The following SYT9 variants were observed in gnomAD, a reference collection of about 807,000 sequenced individuals.
The protein encoded by SYT9 is synaptotagmin 9, also known as synaptotagmin-9.
Under a neutral mutation model 48.4 loss-of-function variants are expected in SYT9, and 22 were observed. The observed-to-expected ratio is 0.45, with a 90% CI of 0.32 to 0.65. The LOEUF (loss-of-function observed/expected upper bound fraction) is 0.65. Among genes scored for constraint, SYT9 ranks in the 30% least tolerant of loss-of-function variants. The pLI is 0.03. For synonymous variants in SYT9, 265 were observed against 245.0 expected (o/e 1.08, Z -0.76); for missense variants, 577 against 622.0 (o/e 0.93, Z 0.77).
upstream of SYT9, among the ~76,000 whole-genome samples, chr11:7,249,192 A>G (rs563833200): frequency 6.6e-6 from 1 of 152,364 alleles, no homozygotes; most frequent in South Asian, 2.1e-4. Flanking sequence ...TTCACTCTAT[A>G]GCAGTATCTC....
At chr11:7,394,413 G>A (rs927620186) in intron 3 of SYT9, among the ~76,000 whole-genome samples, 2 of 152,006 alleles carry the variant, frequency 1.3e-5, no homozygotes, top group South Asian at 2.1e-4. Context: ...ATAGTGCCGT[G>A]ATAAACATAC....
intron 4 of SYT9, 117 bp from the exon 5 acceptor site, chr11:7,417,840 C>A: frequency 9.8e-7 from 1 of 1,018,794 alleles, no homozygotes; most frequent in Non-Finnish European, 1.4e-6. Context: ...AACTCCAGTC[C>A]ACAGGCAGGT....
chr11:7,283,467 AT>A (rs958007701), intron 1 of SYT9, among the ~76,000 whole-genome samples: 9 of 152,200 alleles, frequency 5.9e-5, no homozygotes, highest in Middle Eastern at 3.4e-3. Context: ...CATTATGGGT[AT>A]TTTTTTATGT....
intron 6 of SYT9, among the ~76,000 whole-genome samples, chr11:7,433,766 A>C (rs955455121): frequency 2.0e-5 from 3 of 152,206 alleles, no homozygotes; most frequent in Non-Finnish European, 4.4e-5. Flanking sequence ...CCAGACACCA[A>C]ATCAGCTAGC....
intron 1 of SYT9, among the ~76,000 whole-genome samples, chr11:7,302,775 A>G (rs914106799): frequency 5.9e-5 from 9 of 152,216 alleles, no homozygotes; most frequent in Non-Finnish European, 1.0e-4. Context: ...TTTTCTTGCC[A>G]TAGCAGGCTG....
chr11:7,247,669 T>TC (rs1442232540), upstream of SYT9, among the ~76,000 whole-genome samples: 1 of 132,888 alleles, frequency 7.5e-6, no homozygotes, highest in Non-Finnish European at 1.6e-5. Context: ...TATGTATATA[T>TC]ACGTATATAT....
intron 3 of SYT9, chr11:7,314,435 G>T: frequency 4.7e-6 from 1 of 212,536 alleles, no homozygotes; most frequent in Non-Finnish European, 9.9e-6. Flanking sequence ...GAGAAGAGTT[G>T]GCAACACATT....
chr11:7,439,079 C>G (rs1177766459), intron 6 of SYT9: 1 of 152,180 alleles, frequency 6.6e-6, no homozygotes, highest in Non-Finnish European at 1.5e-5. Flanking sequence ...CAGACAAACC[C>G]AAGACATTCA....
intron 6 of SYT9, among the ~76,000 whole-genome samples, chr11:7,447,827 G>A (rs1847964085): frequency 6.6e-6 from 1 of 152,230 alleles, no homozygotes; most frequent in Non-Finnish European, 1.5e-5. Context: ...TGAGGCCATT[G>A]TGTAGGCCCC....
intron 6 of SYT9, among the ~76,000 whole-genome samples, chr11:7,448,481 C>T (rs940539388): frequency 2.0e-4 from 30 of 152,226 alleles, no homozygotes; most frequent in African/African-American, 7.2e-4. Context: ...GCAGCACACA[C>T]CTCCTGTTCC....
At chr11:7,324,655 T>C (rs10839765) in intron 3 of SYT9, among the ~76,000 whole-genome samples, 38,164 of 151,878 alleles carry the variant, frequency 0.25, 5,277 homozygotes, top group Middle Eastern at 0.32. Flanking sequence ...TTGGTCTATA[T>C]ATTGTTTAAA....
At chr11:7,271,568 T>TTTTTG (rs989211988) in intron 1 of SYT9, among the ~76,000 whole-genome samples, 4 of 152,046 alleles carry the variant, frequency 2.6e-5, no homozygotes, top group Non-Finnish European at 5.9e-5. Context: ...TCTGCTTGTT[T>TTTTTG]TTTTGTTTTG....
At chr11:7,415,501 G>A (rs922228631) in intron 3 of SYT9, among the ~76,000 whole-genome samples, 2 of 152,058 alleles carry the variant, frequency 1.3e-5, no homozygotes, top group Non-Finnish European at 2.9e-5. Context: ...GGCTGTGTAC[G>A]GGAGTGTGTG....
intron 3 of SYT9, among the ~76,000 whole-genome samples, chr11:7,329,360 A>T (rs1007005298): frequency 2.0e-4 from 31 of 152,316 alleles, no homozygotes; most frequent in Admixed American, 2.6e-4. Flanking sequence ...TTTCATTCCT[A>T]GAAGCTTTGA....
chr11:7,284,691 G>A (rs1217024754), intron 1 of SYT9, among the ~76,000 whole-genome samples: 1 of 151,942 alleles, frequency 6.6e-6, no homozygotes, highest in Non-Finnish European at 1.5e-5. Flanking sequence ...ATCTTTCTCA[G>A]CATTTCCTAG....
chr11:7,253,067 G>T (rs952173500), intron 1 of SYT9, among the ~76,000 whole-genome samples: 9 of 152,232 alleles, frequency 5.9e-5, no homozygotes, highest in African/African-American at 2.2e-4. Flanking sequence ...ACTTTGGAAA[G>T]TTCATTTATT....
upstream of SYT9, among the ~76,000 whole-genome samples, chr11:7,247,608 C>CATATATATGTGTATATATACGTAT (rs368632961): frequency 7.0e-6 from 1 of 143,072 alleles, no homozygotes; most frequent in African/African-American, 2.6e-5. Context: ...CGTATATATA[C>CATATATATGTGTATATATACGTAT]ATATATACGT....
At chr11:7,438,282 T>A (rs913798408) in intron 6 of SYT9, 1 of 152,150 alleles carries the variant, frequency 6.6e-6, no homozygotes, top group African/African-American at 2.4e-5. Flanking sequence ...GGATAACTGC[T>A]GTGCGGGCTT....
intron 6 of SYT9, among the ~76,000 whole-genome samples, chr11:7,421,087 A>G (rs953862861): frequency 6.6e-6 from 1 of 152,222 alleles, no homozygotes; most frequent in African/African-American, 2.4e-5. Flanking sequence ...TACATATAAT[A>G]AAAACCAAAA....
Sources: allele counts gnomAD v4.1 joint callset (sites outside exome capture counted in the v4.1 genomes callset), GRCh38; gene constraint gnomAD v4.1.1; transcripts MANE v1.5; gene names NCBI Gene and HGNC (gene_info 2026-07-23, HGNC 2026-07-21).